Variants in RAPGEF5 observed in about 807,000 individuals in gnomAD.
RAPGEF5 encodes Rap guanine nucleotide exchange factor 5.
RAPGEF5 carries 65 observed loss-of-function variants against 125.2 expected under a neutral mutation model. The observed-to-expected ratio is 0.52, with a 90% CI of 0.43 to 0.64. The LOEUF (loss-of-function observed/expected upper bound fraction) is 0.64, where lower values mean the gene tolerates loss of function less well. Ranked by LOEUF, RAPGEF5 falls within the 30% of genes least tolerant of loss-of-function variation. RAPGEF5 has a pLI of 0.00. For missense variants in RAPGEF5, 958 were observed against 1,048.1 expected (o/e 0.91, Z 1.19); for synonymous variants, 391 against 385.9 (o/e 1.01, Z -0.16).
intron 5 of RAPGEF5, among the ~76,000 whole-genome samples, chr7:22,294,838 T>G (rs140837943): frequency 6.6e-6 from 1 of 152,338 alleles, no homozygotes; most frequent in African/African-American, 2.4e-5. Context: ...TTCATGTCCC[T>G]CTACTCAAAA....
At chr7:22,290,484 G>T (rs535515654) in intron 6 of RAPGEF5, among the ~76,000 whole-genome samples, 2 of 152,244 alleles carry the variant, frequency 1.3e-5, no homozygotes, top group Non-Finnish European at 2.9e-5. Context: ...GGTGGCTCAC[G>T]CCTGTAATCC....
intron 21 of RAPGEF5, among the ~76,000 whole-genome samples, chr7:22,138,168 T>C (rs1419866187): frequency 6.6e-6 from 1 of 152,136 alleles, no homozygotes; most frequent in African/African-American, 2.4e-5. Context: ...CCCTCACAAA[T>C]GTCCCAGTGG....
At chr7:22,236,399 T>A (rs1003962527) in intron 7 of RAPGEF5, among the ~76,000 whole-genome samples, 27 of 152,336 alleles carry the variant, frequency 1.8e-4, no homozygotes, top group African/African-American at 6.5e-4. Flanking sequence ...TACAAGCTGC[T>A]GTGATAGGTG....
At chr7:22,265,954 C>T (rs532413413) in intron 7 of RAPGEF5, among the ~76,000 whole-genome samples, 63 of 152,238 alleles carry the variant, frequency 4.1e-4, no homozygotes, top group African/African-American at 1.5e-3. Context: ...ATCCTCCTTC[C>T]CATCACCTTT....
At chr7:22,331,211 T>G (rs531577200) in intron 1 of RAPGEF5, among the ~76,000 whole-genome samples, 1 of 152,198 alleles carries the variant, frequency 6.6e-6, no homozygotes, top group African/African-American at 2.4e-5. Flanking sequence ...CACAGATCTT[T>G]CACTGAGGGT....
At chr7:22,343,850 A>C (rs1029478605) in intron 1 of RAPGEF5, among the ~76,000 whole-genome samples, 1 of 152,192 alleles carries the variant, frequency 6.6e-6, no homozygotes, top group African/African-American at 2.4e-5. Flanking sequence ...AAAGTCCCAC[A>C]TAAAGGTTTT....
rs1311282762 is a variant in RAPGEF5 at position 22,345,169 on chromosome 7, G to GCCTGAGGCTAACTTCTCAGAGAC, written c.231+11638_231+11660dup. ...CGCTTTAGCCCCACCCTTCACCGCA[G>GCCTGAGGCTAACTTCTCAGAGAC]CCTGAGGCTAACTTCTCAGAGACCC... On this transcript the variant is annotated intron_variant, in intron 1 of 25. Transcript: ENST00000665637. Among the ~76,000 whole-genome samples the GCCTGAGGCTAACTTCTCAGAGAC allele has an allele frequency of 3.3e-5, 5 of 152,214 alleles. No individual in the cohort carries two copies. In the East Asian group the frequency reaches 9.6e-4, roughly 29 times the overall value.
At chr7:22,234,864 T>G (rs763471134) in intron 7 of RAPGEF5, among the ~76,000 whole-genome samples, 25 of 150,886 alleles carry the variant, frequency 1.7e-4, no homozygotes, top group Middle Eastern at 6.8e-3. Flanking sequence ...ACTCTGTCAG[T>G]AACTCTATTA....
At chr7:22,264,872 G>A (rs149549627) in intron 7 of RAPGEF5, among the ~76,000 whole-genome samples, 2 of 152,228 alleles carry the variant, frequency 1.3e-5, no homozygotes, top group African/African-American at 4.8e-5. Context: ...TCAAGACACT[G>A]TCATCCCAAC....
Position 22,317,960 on chromosome 7 carries a change from A to C in RAPGEF5, c.282+27T>G, listed in dbSNP as rs187521512. ...AATTTGTCAATCACTATTTCAGAAA[A>C]GGCAGTAAAAGAGAAAGGAATCATA... On this transcript the variant is annotated intron_variant, in intron 2 of 25. Transcript: ENST00000665637. 1,835 of 1,546,440 alleles carry C rather than the reference A, an allele frequency of 1.2e-3. 2 individuals are homozygous for C. The highest frequency in any genetic ancestry group is 1.5e-3 in the Non-Finnish European group (1,742 of 1,146,048).
chr7:22,226,205 C>T (rs1244473454), intron 8 of RAPGEF5, among the ~76,000 whole-genome samples: 4 of 152,122 alleles, frequency 2.6e-5, no homozygotes, highest in Non-Finnish European at 4.4e-5. Flanking sequence ...AGCACTTTTG[C>T]AATAACAGAA....
At chr7:22,272,100 T>C (rs1044085868) in intron 6 of RAPGEF5, among the ~76,000 whole-genome samples, 4 of 151,440 alleles carry the variant, frequency 2.6e-5, no homozygotes, top group African/African-American at 9.7e-5. Flanking sequence ...TCCCAGCACT[T>C]TGGGAGGTCG....
At chr7:22,282,686 G>C (rs560355710) in intron 6 of RAPGEF5, among the ~76,000 whole-genome samples, 74 of 152,288 alleles carry the variant, frequency 4.9e-4, no homozygotes, top group African/African-American at 1.5e-3. Flanking sequence ...GTATCAAAAT[G>C]CCTGTGCAAG....
intron 25 of RAPGEF5, among the ~76,000 whole-genome samples, chr7:22,124,403 T>C (rs1198619401): frequency 2.0e-5 from 3 of 152,240 alleles, no homozygotes; most frequent in African/African-American, 7.2e-5. Flanking sequence ...TGAAGAATTA[T>C]ATAGGTATAT....
intron 9 of RAPGEF5, among the ~76,000 whole-genome samples, chr7:22,213,144 T>C (rs1032326123): frequency 1.3e-5 from 2 of 152,160 alleles, no homozygotes; most frequent in African/African-American, 4.8e-5. Flanking sequence ...TCAAAACCGC[T>C]CAAACTAATT....
intron 5 of RAPGEF5, among the ~76,000 whole-genome samples, chr7:22,306,100 T>A (rs1783333195): frequency 6.6e-6 from 1 of 152,188 alleles, no homozygotes; most frequent in South Asian, 2.1e-4. Context: ...GGTTGCTCAA[T>A]TTTTACTTTT....
At chr7:22,349,807 G>C (rs1463577139) in intron 1 of RAPGEF5, among the ~76,000 whole-genome samples, 1 of 152,112 alleles carries the variant, frequency 6.6e-6, no homozygotes, top group African/African-American at 2.4e-5. Flanking sequence ...AGGTAGTTCT[G>C]GGCTCCATTC....
intron 5 of RAPGEF5, among the ~76,000 whole-genome samples, chr7:22,297,628 G>A (rs139311154): frequency 7.8e-4 from 119 of 152,324 alleles, no homozygotes; most frequent in Middle Eastern, 3.4e-3. Flanking sequence ...AGAACAAGAC[G>A]CTAGATGGCC....
At chr7:22,162,285 C>T in intron 13 of RAPGEF5, 112 bp downstream of exon 13, 1 of 1,119,940 alleles carries the variant, frequency 8.9e-7, no homozygotes, top group Non-Finnish European at 1.3e-6. Context: ...CACAACTTGA[C>T]TATCACAAGA....
Sources: allele counts gnomAD v4.1 joint callset (sites outside exome capture counted in the v4.1 genomes callset), GRCh38; gene constraint gnomAD v4.1.1; transcripts MANE v1.5; gene names NCBI Gene and HGNC (gene_info 2026-07-23, HGNC 2026-07-21).